THOP1: variants seen among roughly 807,000 people sequenced by gnomAD.
THOP1 encodes the protein thimet oligopeptidase.
THOP1 carries 49 observed loss-of-function variants against 71.8 expected under a neutral mutation model. That is an observed-to-expected ratio of 0.68 (90% CI 0.54 to 0.87). The LOEUF is 0.87. Among genes scored for constraint, THOP1 ranks in the 40% least tolerant of loss-of-function variants. The pLI is 0.00. For missense variants in THOP1, 843 were observed against 975.6 expected (o/e 0.86, Z 1.81); for synonymous variants, 426 against 421.5 (o/e 1.01, Z -0.13).
chr19:2,810,200 T>C, intron 9 of THOP1, 104 bp from the exon 10 acceptor site: 9 of 1,328,708 alleles, frequency 6.8e-6, no homozygotes, highest in Non-Finnish European at 9.1e-6. Flanking sequence ...GCGCATCACC[T>C]GTGCACTCGC....
chr19:2,811,540 TGGA>T, intron 11 of THOP1, 55 bp from the exon 12 acceptor site: 1 of 1,568,942 alleles, frequency 6.4e-7, no homozygotes, highest in Non-Finnish European at 8.7e-7. Flanking sequence ...TGTCTTCTCC[TGGA>T]GGAGGAGCAT....
In THOP1 at chr19:2,802,990, C is replaced by T. The variant is rs548424323; in HGVS notation, c.590-2026C>T. Among the ~76,000 whole-genome samples the T allele has an allele frequency of 2.0e-5, 3 of 152,368 alleles. No individual in the cohort carries two copies. The East Asian group carries it at 5.8e-4, about 29-fold the overall frequency. On this transcript the variant is annotated intron_variant, in intron 5 of 12. Coordinates refer to ENST00000307741, the MANE Select transcript of THOP1 (RefSeq NM_003249.5). ...CTGAACCTGCTCTTACTGTGGGGCACATGGTACCGCAGGCTCGGCCTCTGA... is the reference window on the plus strand; with the variant it reads ...CTGAACCTGCTCTTACTGTGGGGCATATGGTACCGCAGGCTCGGCCTCTGA...
Position 2,807,641 on chromosome 19 carries a change from G to T in THOP1, c.1086G>T (p.Val362=). 1 of 1,611,162 alleles carries T rather than the reference G, an allele frequency of 6.2e-7. No individual in the cohort carries two copies. The highest frequency in any genetic ancestry group is 8.5e-7 in the Non-Finnish European group (1 of 1,178,692). Residue 362 remains valine, a synonymous_variant, in exon 8 of 13, where the codon GTG becomes GTT. Transcript: ENST00000307741. The part of the protein sequence containing the change: ...DQNLLKEYFP[V]QVVTHGLLGI... ...ACCTGCTCAAGGAGTACTTCCCCGT[G>T]CAGGTGGTCACGCACGGGCTGCTGG...
chr19:2,795,608 G>A (rs1488875286), intron 3 of THOP1, among the ~76,000 whole-genome samples: 1 of 152,180 alleles, frequency 6.6e-6, no homozygotes, highest in Non-Finnish European at 1.5e-5. Context: ...TACAGACAGG[G>A]TCTCACAACG....
At chr19:2,809,358 T>C (rs749498018) in intron 9 of THOP1, among the ~76,000 whole-genome samples, 1 of 152,136 alleles carries the variant, frequency 6.6e-6, no homozygotes, top group Non-Finnish European at 1.5e-5. Context: ...TGCACAACGC[T>C]TGGGGCCTTT....
At chr19:2,797,712 A>G (rs1427264667) in intron 4 of THOP1, among the ~76,000 whole-genome samples, 1 of 152,192 alleles carries the variant, frequency 6.6e-6, no homozygotes, top group African/African-American at 2.4e-5. Context: ...TCACGATGGG[A>G]TTATTGGGAC....
In THOP1 at chr19:2,785,631, G is replaced by A; in HGVS notation, c.-32G>A. 6.6e-7 allele frequency: 1 copy of A among 1,507,448 alleles called. No individual in the cohort carries two copies. The highest frequency in any genetic ancestry group is 8.9e-7 in the Non-Finnish European group (1 of 1,128,702). 93.4% of individuals were successfully genotyped at this position (1,507,448 alleles called of 1,614,324 possible). A position where few individuals can be genotyped will look rare whatever the true frequency, so the allele number is the denominator to read the frequency against. ...GCTGGACGCGTAGCAGGTGGAAGGA[G>A]GGAGGGAGCCGCAGGCGCAGACCCA... is the stretch of plus-strand genomic sequence containing the variant. On this transcript the variant is annotated 5_prime_UTR_variant, in exon 1 of 13. Transcript: ENST00000307741.
intron 2 of THOP1, among the ~76,000 whole-genome samples, chr19:2,792,942 G>A (rs554589020): frequency 4.6e-5 from 7 of 152,260 alleles, no homozygotes; most frequent in African/African-American, 1.4e-4. Flanking sequence ...TTGGGAGGCC[G>A]AGGTGGGCGG....
intron 1 of THOP1, chr19:2,789,810 T>C (rs1348545059): frequency 6.6e-6 from 1 of 152,352 alleles, no homozygotes; most frequent in Non-Finnish European, 1.5e-5. Context: ...TGGAGTGCAG[T>C]GGCGCGATCT....
At chr19:2,811,141 C>T (rs528457688) in intron 11 of THOP1, among the ~76,000 whole-genome samples, 3 of 152,356 alleles carry the variant, frequency 2.0e-5, no homozygotes, top group East Asian at 3.9e-4. Flanking sequence ...CCATGCTCAC[C>T]TGTTGTCCTG....
chr19:2,803,998 C>G (rs774812438), intron 5 of THOP1, among the ~76,000 whole-genome samples: 3 of 150,678 alleles, frequency 2.0e-5, no homozygotes, highest in African/African-American at 4.9e-5. Context: ...CGTGAGCTCC[C>G]GATCGTTCTT....
chr19:2,807,326 T>C (rs1916318056), intron 7 of THOP1, 116 bp from the exon 8 acceptor site: 5 of 1,426,564 alleles, frequency 3.5e-6, no homozygotes, highest in Non-Finnish European at 4.6e-6. Context: ...TGCCGGGAAC[T>C]GCGGGTCCTC....
At chr19:2,793,698 A>AT (rs1915939936) in intron 2 of THOP1, among the ~76,000 whole-genome samples, 1 of 152,198 alleles carries the variant, frequency 6.6e-6, no homozygotes, top group Non-Finnish European at 1.5e-5. Context: ...TCAAAAAAAA[A>AT]CAAATGGCAT....
chr19:2,793,849 C>T (rs1915945062), intron 2 of THOP1, among the ~76,000 whole-genome samples: 1 of 152,142 alleles, frequency 6.6e-6, no homozygotes, highest in South Asian at 2.1e-4. Context: ...CACATCTTGT[C>T]AGTCCATTCA....
intron 1 of THOP1, among the ~76,000 whole-genome samples, chr19:2,788,943 T>G (rs1454506686): frequency 1.3e-5 from 2 of 152,132 alleles, no homozygotes; most frequent in Non-Finnish European, 2.9e-5. Context: ...GTATTTTTAG[T>G]AGAGACGGGG....
chr19:2,799,022 A>G (rs1219196578), intron 4 of THOP1, among the ~76,000 whole-genome samples: 1 of 152,226 alleles, frequency 6.6e-6, no homozygotes, highest in Non-Finnish European at 1.5e-5. Flanking sequence ...TTTACCAGAT[A>G]AGGGGTAAAA....
Position 2,811,870 on chromosome 19 carries a change from G to A in THOP1, c.1908+136G>A, listed in dbSNP as rs530045698. On this transcript the variant is annotated intron_variant, in intron 12 of 12. Coordinates refer to ENST00000307741, the MANE Select transcript of THOP1 (RefSeq NM_003249.5). ...GGGCGTCCTGAACGGCAAGGTACGC[G>A]GGGACTGGGGACAGGGAGGGCGTCC... The A allele has an allele frequency of 1.5e-5, 19 of 1,289,458 alleles. No homozygotes were observed. In the East Asian group the frequency reaches 3.6e-4, roughly 25 times the overall value. The allele number at this position is 1,289,458 out of a possible 1,614,324, so 79.9% of individuals were successfully genotyped here. A position where few individuals can be genotyped will look rare whatever the true frequency, so the allele number is the denominator to read the frequency against.
chr19:2,787,877 G>A (rs1026583455), intron 1 of THOP1, among the ~76,000 whole-genome samples: 1 of 152,212 alleles, frequency 6.6e-6, no homozygotes, highest in African/African-American at 2.4e-5. Context: ...GGCCCCAATG[G>A]CCACAGTGCA....
chr19:2,810,654 C>G lies in THOP1; in HGVS notation c.1657C>G (p.Arg553Gly). 2 of 1,555,268 alleles carry G rather than the reference C, an allele frequency of 1.3e-6. No homozygotes were observed. Among genetic ancestry groups the G allele is most frequent in the Non-Finnish European group, 1.7e-6 (2 of 1,149,522 alleles). The change falls in exon 11 of 13, where the codon CGC (arginine) becomes GGC (glycine). Residue 553 changes from arginine to glycine, a missense_variant. Transcript: ENST00000307741. ...CTCCCGCCCAGGCCTCTTCAACCTGCGCCAGATCGTCCTCGCCAAGGTGGA... is the reference window on the plus strand; with the variant it reads ...CTCCCGCCCAGGCCTCTTCAACCTGGGCCAGATCGTCCTCGCCAAGGTGGA... ...RQANTGLFNL[R>G]QIVLAKVDQA...
Sources: gnomAD v4.1 joint callset for allele counts (sites outside exome capture counted in the v4.1 genomes callset) on GRCh38, gnomAD v4.1.1 for gene constraint, MANE v1.5 for transcripts, NCBI Gene and HGNC (gene_info 2026-07-23, HGNC 2026-07-21) for gene names.